The following RNF175 variants were observed in gnomAD, a reference collection of about 807,000 sequenced individuals.
The protein encoded by RNF175 is ring finger protein 175.
In RNF175, 38 loss-of-function variants were observed where a neutral mutation model predicts 50.0. The observed-to-expected ratio is 0.76, with a 90% CI of 0.59 to 1.00. The LOEUF (loss-of-function observed/expected upper bound fraction) is 1.00. Among genes scored for constraint, RNF175 ranks in the 50% least tolerant of loss-of-function variants. The pLI, the probability that RNF175 is intolerant of heterozygous loss-of-function variation, is 0.00. For synonymous variants in RNF175, 155 were observed against 146.1 expected (o/e 1.06, Z -0.44); for missense variants, 388 against 409.6 (o/e 0.95, Z 0.46).
At chr4:153,722,903 GAGT>G (rs1340041856) in intron 5 of RNF175, among the ~76,000 whole-genome samples, 1 of 152,054 alleles carries the variant, frequency 6.6e-6, no homozygotes, top group Non-Finnish European at 1.5e-5. Context: ...TTTACACTTA[GAGT>G]ACATCTTATT....
chr4:153,753,941 C>T lies in RNF175; in HGVS notation c.67-2466G>A, dbSNP rs530246254. On this transcript the variant is annotated intron_variant, in intron 1 of 8. Coordinates refer to ENST00000347063, the MANE Select transcript of RNF175 (RefSeq NM_173662.4). Reference sequence around the variant, plus strand: ...ATCCCAGCACTTTGGGAGGCCGAGGCGGGCGTATCACGAGGTCAGGAGATA... The same window carrying T: ...ATCCCAGCACTTTGGGAGGCCGAGGTGGGCGTATCACGAGGTCAGGAGATA... Among the ~76,000 whole-genome samples the T allele has an allele frequency of 3.6e-3, 542 of 150,640 alleles. 2 individuals are homozygous for T. The highest frequency in any genetic ancestry group is 6.8e-3 in the Middle Eastern group (2 of 292).
chr4:153,729,215 C>T (rs759916704), intron 3 of RNF175, among the ~76,000 whole-genome samples: 1 of 152,200 alleles, frequency 6.6e-6, no homozygotes, highest in Non-Finnish European at 1.5e-5. Flanking sequence ...GACTAAACAC[C>T]TATTATTTGC....
At chr4:153,752,411 G>T (rs1412414708) in intron 1 of RNF175, among the ~76,000 whole-genome samples, 2 of 152,276 alleles carry the variant, frequency 1.3e-5, no homozygotes, top group East Asian at 3.9e-4. Context: ...TCACCTGGGG[G>T]CAGGGAGCCA....
intron 3 of RNF175, among the ~76,000 whole-genome samples, chr4:153,730,353 C>A (rs1436358049): frequency 2.0e-5 from 3 of 152,018 alleles, no homozygotes; most frequent in Non-Finnish European, 2.9e-5. Flanking sequence ...GGAGGACCAC[C>A]TGAGCCCTTG....
intron 3 of RNF175, among the ~76,000 whole-genome samples, chr4:153,735,106 T>G (rs1040167379): frequency 2.0e-5 from 3 of 152,202 alleles, no homozygotes; most frequent in African/African-American, 7.2e-5. Flanking sequence ...CAAGTAAACC[T>G]ATATTTTTTT....
At chr4:153,743,380 T>C (rs1283187645) in intron 3 of RNF175, among the ~76,000 whole-genome samples, 1 of 152,120 alleles carries the variant, frequency 6.6e-6, no homozygotes, top group Non-Finnish European at 1.5e-5. Flanking sequence ...AATAGAGACA[T>C]GCAGGGGGAT....
chr4:153,725,310 A>AATG (rs1560777069), intron 4 of RNF175, among the ~76,000 whole-genome samples: 4 of 152,130 alleles, frequency 2.6e-5, no homozygotes, highest in Admixed American at 6.5e-5. Context: ...AGCAGTTTAG[A>AATG]TCATTGCTCA....
At chr4:153,748,994 G>T (rs1009331325) in intron 2 of RNF175, among the ~76,000 whole-genome samples, 2 of 152,226 alleles carry the variant, frequency 1.3e-5, no homozygotes, top group African/African-American at 4.8e-5. Context: ...ATCTGGAGAA[G>T]GAGCAGCTGG....
At chr4:153,720,515 G>A in intron 5 of RNF175, 1 of 460,052 alleles carries the variant, frequency 2.2e-6, no homozygotes. Flanking sequence ...CTGGACAAAG[G>A]AATTCTTGAG....
intron 4 of RNF175, among the ~76,000 whole-genome samples, chr4:153,725,393 G>A (rs1738638387): frequency 6.6e-6 from 1 of 152,156 alleles, no homozygotes; most frequent in Admixed American, 6.5e-5. Flanking sequence ...AGCTCTGAGA[G>A]GGTCCCCTCT....
chr4:153,747,736 C>A (rs936925909), intron 3 of RNF175, among the ~76,000 whole-genome samples: 1 of 152,242 alleles, frequency 6.6e-6, no homozygotes, highest in African/African-American at 2.4e-5. Context: ...ACTCTTCCAG[C>A]CTCTGCCCAA....
At chr4:153,716,460 G>A (rs1737934283) in intron 6 of RNF175, among the ~76,000 whole-genome samples, 2 of 152,186 alleles carry the variant, frequency 1.3e-5, no homozygotes, top group South Asian at 4.1e-4. Flanking sequence ...AGAAGGCAAT[G>A]CATTTAGAAC....
intron 3 of RNF175, chr4:153,729,757 A>G: frequency 4.1e-6 from 4 of 984,958 alleles, no homozygotes; most frequent in Non-Finnish European, 4.8e-6. Context: ...AGAACCCTAG[A>G]GTTGTTATCA....
intron 3 of RNF175, among the ~76,000 whole-genome samples, chr4:153,736,927 A>G (rs745992822): frequency 5.2e-4 from 79 of 152,150 alleles, no homozygotes; most frequent in Non-Finnish European, 9.7e-4. Flanking sequence ...TGGCACAACC[A>G]TAGCTCACTG....
At chr4:153,721,945 G>C (rs575360450) in intron 5 of RNF175, among the ~76,000 whole-genome samples, 1 of 152,178 alleles carries the variant, frequency 6.6e-6, no homozygotes. Flanking sequence ...AGGTGCTCCT[G>C]CTCCAAAAGT....
chr4:153,737,232 C>T (rs1001411500), intron 3 of RNF175, among the ~76,000 whole-genome samples: 1 of 151,712 alleles, frequency 6.6e-6, no homozygotes, highest in Non-Finnish European at 1.5e-5. Flanking sequence ...AGAGGTTTAT[C>T]AGATTTATTG....
intron 7 of RNF175, 59 bp downstream of exon 7, chr4:153,715,470 G>A (rs1398572006): frequency 1.3e-6 from 2 of 1,496,156 alleles, no homozygotes; most frequent in East Asian, 4.9e-5. Flanking sequence ...GGAGGAGGAG[G>A]AGAAGGAGGA....
Position 153,717,926 on chromosome 4 carries a change from A to C in RNF175, c.630+2258T>G, listed in dbSNP as rs182143882. On this transcript the variant is annotated intron_variant, in intron 6 of 8. Coordinates refer to ENST00000347063, the MANE Select transcript of RNF175 (RefSeq NM_173662.4). ...AGGTTCACACTTTCTATGGATTTTG[A>C]GAAATGTATAGTGTTATATATCCAC... Among the ~76,000 whole-genome samples, 142 of 152,282 alleles carry C rather than the reference A, an allele frequency of 9.3e-4. 2 individuals carry two copies. The highest frequency in any genetic ancestry group is 1.0e-3 in the South Asian group (5 of 4,828).
intron 6 of RNF175, among the ~76,000 whole-genome samples, chr4:153,718,461 T>C (rs1423967703): frequency 6.6e-6 from 1 of 151,814 alleles, no homozygotes; most frequent in Non-Finnish European, 1.5e-5. Context: ...TTTTTATAGA[T>C]TTGGTCGCTG....
Sources: allele counts gnomAD v4.1 joint callset (sites outside exome capture counted in the v4.1 genomes callset), GRCh38; gene constraint gnomAD v4.1.1; transcripts MANE v1.5; gene names NCBI Gene and HGNC (gene_info 2026-07-23, HGNC 2026-07-21).